Variants in AP3B1 observed in about 807,000 individuals in gnomAD.
The protein encoded by AP3B1 is AP-3 complex subunit beta-1.
A neutral mutation model predicts 132.5 loss-of-function variants in AP3B1; 61 were observed. That is an observed-to-expected ratio of 0.46 (90% CI 0.37 to 0.57). The LOEUF (loss-of-function observed/expected upper bound fraction) is 0.57, where lower values mean the gene tolerates loss of function less well. Among genes scored for constraint, AP3B1 ranks in the 20% least tolerant of loss-of-function variants. The pLI is 0.00. For synonymous variants in AP3B1, 388 were observed against 438.3 expected, an observed-to-expected ratio of 0.89 and a Z score of 1.43; for missense variants, 1,120 against 1,289.4, an observed-to-expected ratio of 0.87 and a Z score of 2.01.
At chr5:78,036,239 A>G (rs999926651) in intron 23 of AP3B1, among the ~76,000 whole-genome samples, 93 of 152,272 alleles carry the variant, frequency 6.1e-4, no homozygotes, top group Non-Finnish European at 1.8e-4. Flanking sequence ...TATTATATGG[A>G]TGCTTCAGGA....
intron 3 of AP3B1, among the ~76,000 whole-genome samples, chr5:78,232,976 G>C (rs2112504372): frequency 6.6e-6 from 1 of 152,280 alleles, no homozygotes; most frequent in South Asian, 2.1e-4. Context: ...CAAAGTGCTA[G>C]GATTACTGGC....
In AP3B1 at chr5:78,119,480, C is replaced by A. The variant is rs150519920; in HGVS notation, c.1969-3246G>T. Among the ~76,000 whole-genome samples the A allele has an allele frequency of 6.2e-3, 945 of 152,168 alleles. 9 individuals are homozygous for A. The highest frequency in any genetic ancestry group is 0.022 in the African/African-American group (906 of 41,502). Reference sequence around the variant, plus strand: ...GAATGGATACCTAGAATAACCAATGCAGAGAAGTCCTTAAAGGAGCTGATG... The same window carrying A: ...GAATGGATACCTAGAATAACCAATGAAGAGAAGTCCTTAAAGGAGCTGATG... On this transcript the variant is annotated intron_variant, in intron 17 of 26. Transcript: ENST00000255194.
intron 7 of AP3B1, among the ~76,000 whole-genome samples, chr5:78,211,550 G>A (rs947976949): frequency 6.6e-6 from 1 of 152,102 alleles, no homozygotes; most frequent in Non-Finnish European, 1.5e-5. Flanking sequence ...GTGTATCTAC[G>A]AATTTTCGAT....
chr5:78,059,559 C>CTTTCTCT (rs1748955668), intron 22 of AP3B1, among the ~76,000 whole-genome samples: 6 of 119,312 alleles, frequency 5.0e-5, no homozygotes, highest in African/African-American at 1.8e-4. Context: ...AACAAAACTC[C>CTTTCTCT]GCAGTATTTT....
At chr5:78,016,464 TAGAC>T (rs1480141404) in intron 25 of AP3B1, among the ~76,000 whole-genome samples, 3 of 152,128 alleles carry the variant, frequency 2.0e-5, no homozygotes, top group Non-Finnish European at 4.4e-5. Flanking sequence ...ATATAAGTCA[TAGAC>T]ATCTAATGGT....
intron 7 of AP3B1, among the ~76,000 whole-genome samples, chr5:78,203,015 CTTTT>C (rs1310806030): frequency 1.3e-5 from 2 of 152,110 alleles, no homozygotes; most frequent in Non-Finnish European, 2.9e-5. Flanking sequence ...TACTTGTTGA[CTTTT>C]TTGTTTCTTT....
intron 2 of AP3B1, among the ~76,000 whole-genome samples, chr5:78,266,258 A>C (rs933019916): frequency 2.0e-5 from 3 of 152,192 alleles, no homozygotes; most frequent in African/African-American, 7.2e-5. Context: ...TATGTATAAA[A>C]GCCATGCAAA....
chr5:78,123,546 C>T (rs1230101596), intron 17 of AP3B1, among the ~76,000 whole-genome samples: 1 of 152,132 alleles, frequency 6.6e-6, no homozygotes, highest in Admixed American at 6.5e-5. Flanking sequence ...AGGATGTGAA[C>T]AGACACTTCT....
At chr5:78,245,709 T>C (rs2112527053) in intron 2 of AP3B1, among the ~76,000 whole-genome samples, 1 of 152,288 alleles carries the variant, frequency 6.6e-6, no homozygotes, top group Admixed American at 6.5e-5. Flanking sequence ...CCTTCTGCTT[T>C]AGGTAAAAAC....
intron 3 of AP3B1, among the ~76,000 whole-genome samples, chr5:78,238,253 A>G (rs1746966266): frequency 6.6e-6 from 1 of 152,198 alleles, no homozygotes; most frequent in South Asian, 2.1e-4. Flanking sequence ...CTAACGCCTG[A>G]TGATCTGTCA....
intron 2 of AP3B1, among the ~76,000 whole-genome samples, chr5:78,265,321 T>G (rs1457773933): frequency 1.3e-5 from 2 of 152,126 alleles, no homozygotes; most frequent in Non-Finnish European, 2.9e-5. Context: ...TACACATCTG[T>G]AGTCCCTGCT....
At position 78,038,128 on chromosome 5, in the gene AP3B1, T is replaced by C. The variant is rs1030395816; in HGVS notation, c.2809+915A>G. On this transcript the variant is annotated intron_variant, in intron 23 of 26. Transcript: ENST00000255194. ...CAGCCGCTGCTCAGCAACCCACTCATTGGTTGCTGCATGTGGGGATAAAGG... is the reference window on the plus strand; with the variant it reads ...CAGCCGCTGCTCAGCAACCCACTCACTGGTTGCTGCATGTGGGGATAAAGG... Among the ~76,000 whole-genome samples, 5 of 152,106 alleles carry C rather than the reference T, an allele frequency of 3.3e-5. No individual in the cohort carries two copies. The East Asian group carries it at 5.8e-4, about 18-fold the overall frequency.
At chr5:78,252,400 G>C (rs1286396124) in intron 2 of AP3B1, among the ~76,000 whole-genome samples, 1 of 152,174 alleles carries the variant, frequency 6.6e-6, no homozygotes, top group East Asian at 1.9e-4. Context: ...TCAATTCTAG[G>C]ACTTGGCTCT....
At chr5:78,086,144 C>T (rs1009658578) in intron 22 of AP3B1, among the ~76,000 whole-genome samples, 3 of 152,064 alleles carry the variant, frequency 2.0e-5, no homozygotes, top group Non-Finnish European at 4.4e-5. Flanking sequence ...TCACCCTTTC[C>T]TTGGTTTCAA....
At chr5:78,291,955 C>T (rs1326726085) in intron 1 of AP3B1, among the ~76,000 whole-genome samples, 2 of 152,058 alleles carry the variant, frequency 1.3e-5, no homozygotes, top group African/African-American at 4.8e-5. Flanking sequence ...TCCAATGGTT[C>T]AGAAGACATA....
intron 7 of AP3B1, among the ~76,000 whole-genome samples, chr5:78,194,159 TAG>T: frequency 6.6e-6 from 1 of 152,150 alleles, no homozygotes; most frequent in African/African-American, 2.4e-5. Flanking sequence ...CTTATGTAGC[TAG>T]CATGGCTGTT....
intron 22 of AP3B1, among the ~76,000 whole-genome samples, chr5:78,058,482 A>ACTC (rs1338577185): frequency 6.6e-6 from 1 of 152,086 alleles, no homozygotes; most frequent in African/African-American, 2.4e-5. Flanking sequence ...CCTGGACGAC[A>ACTC]GAGTGAGACT....
intron 2 of AP3B1, among the ~76,000 whole-genome samples, chr5:78,244,531 G>C (rs78664538): frequency 1.3e-5 from 2 of 152,290 alleles, no homozygotes; most frequent in African/African-American, 4.8e-5. Flanking sequence ...GAGCAATCCA[G>C]AGTTTGGTTT....
intron 22 of AP3B1, among the ~76,000 whole-genome samples, chr5:78,081,929 T>A (rs547895223): frequency 6.6e-6 from 1 of 152,160 alleles, no homozygotes; most frequent in African/African-American, 2.4e-5. Context: ...TATAATCCCA[T>A]CACAAGCTTT....
Sources: gnomAD v4.1 joint callset for allele counts (sites outside exome capture counted in the v4.1 genomes callset) on GRCh38, gnomAD v4.1.1 for gene constraint, MANE v1.5 for transcripts, NCBI Gene and HGNC (gene_info 2026-07-23, HGNC 2026-07-21) for gene names.